Variants in CSMD1 observed in about 807,000 individuals in gnomAD.
CSMD1 encodes the protein CUB and sushi domain-containing protein 1.
CSMD1 carries 213 observed loss-of-function variants against 417.5 expected under a neutral mutation model. The ratio of observed to expected loss-of-function variants is 0.51; its 90% CI spans 0.46 to 0.57. The LOEUF (loss-of-function observed/expected upper bound fraction) is 0.57. Among genes scored for constraint, CSMD1 ranks in the 20% least tolerant of loss-of-function variants. The probability of loss-of-function intolerance (pLI) is 0.00; values close to 1 mark genes in which losing one functional copy is unlikely to be tolerated. For synonymous variants in CSMD1, 2,862 were observed against 1,736.8 expected, an observed-to-expected ratio of 1.65 and a Z score of -16.11; for missense variants, 6,923 against 4,529.7, an observed-to-expected ratio of 1.53 and a Z score of -15.17.
chr8:3,224,199 C>A (rs150805831), intron 27 of CSMD1, among the ~76,000 whole-genome samples: 2 of 152,190 alleles, frequency 1.3e-5, no homozygotes, highest in East Asian at 1.9e-4. Flanking sequence ...TACCTGCCAA[C>A]GTGCACACAT....
At chr8:2,998,212 T>C in intron 53 of CSMD1, 28 bp from the exon 54 acceptor site, 1 of 1,610,120 alleles carries the variant, frequency 6.2e-7, no homozygotes, top group Non-Finnish European at 8.5e-7. Context: ...AACGTCATTG[T>C]TAAATATTGA....
At chr8:2,986,654 A>G (rs1270670131) in intron 54 of CSMD1, among the ~76,000 whole-genome samples, 1 of 151,834 alleles carries the variant, frequency 6.6e-6, no homozygotes, top group Non-Finnish European at 1.5e-5. Context: ...ACAGGTGCCC[A>G]CCACCACGCC....
intron 1 of CSMD1, among the ~76,000 whole-genome samples, chr8:4,711,634 G>A (rs767209161): frequency 3.4e-5 from 5 of 149,002 alleles, no homozygotes; most frequent in African/African-American, 7.5e-5. Flanking sequence ...TTTTGCAGTC[G>A]GAAAAGCCAG....
chr8:3,942,597 C>G (rs983917554), intron 5 of CSMD1, among the ~76,000 whole-genome samples: 4 of 152,182 alleles, frequency 2.6e-5, no homozygotes, highest in African/African-American at 9.7e-5. Flanking sequence ...AGTTTTTCCT[C>G]TAAAGGCGAC....
At chr8:4,450,700 C>T (rs1004622005) in intron 2 of CSMD1, among the ~76,000 whole-genome samples, 6 of 152,018 alleles carry the variant, frequency 3.9e-5, no homozygotes, top group African/African-American at 1.4e-4. Flanking sequence ...TATAACACAT[C>T]ACAGAGTTTT....
intron 1 of CSMD1, among the ~76,000 whole-genome samples, chr8:4,988,481 C>T (rs1031190352): frequency 6.6e-6 from 1 of 152,110 alleles, no homozygotes. Flanking sequence ...TCTTTTCATT[C>T]CCCAAAGAAA....
intron 12 of CSMD1, among the ~76,000 whole-genome samples, chr8:3,461,812 A>T (rs1371675326): frequency 6.6e-6 from 1 of 152,202 alleles, no homozygotes; most frequent in Non-Finnish European, 1.5e-5. Context: ...TAGAACACGG[A>T]CAAGTCTAGC....
chr8:4,517,119 T>C (rs1803168079), intron 2 of CSMD1, among the ~76,000 whole-genome samples: 1 of 152,174 alleles, frequency 6.6e-6, no homozygotes, highest in African/African-American at 2.4e-5. Flanking sequence ...GAAGACTGCT[T>C]AAATGAAATA....
chr8:3,504,090 G>C (rs1185316771), intron 10 of CSMD1, among the ~76,000 whole-genome samples: 1 of 152,004 alleles, frequency 6.6e-6, no homozygotes, highest in African/African-American at 2.4e-5. Flanking sequence ...AAGAAAACAG[G>C]AATTTAAATG....
chr8:3,509,895 C>T (rs1337167469), intron 10 of CSMD1, among the ~76,000 whole-genome samples: 1 of 152,008 alleles, frequency 6.6e-6, no homozygotes, highest in African/African-American at 2.4e-5. Context: ...GAACTCATGC[C>T]CCAGTGAAGC....
At chr8:4,763,904 G>A (rs1228131580) in intron 1 of CSMD1, among the ~76,000 whole-genome samples, 1 of 152,142 alleles carries the variant, frequency 6.6e-6, no homozygotes, top group Admixed American at 6.5e-5. Context: ...ACATAACCCT[G>A]AGCACTTCAA....
chr8:3,607,734 G>C (rs1045218596), intron 8 of CSMD1, among the ~76,000 whole-genome samples: 2 of 152,200 alleles, frequency 1.3e-5, no homozygotes, highest in Non-Finnish European at 2.9e-5. Flanking sequence ...ATATCAGTCG[G>C]TTTTGCCTAT....
chr8:4,007,488 G>A (rs1431233879), intron 4 of CSMD1, among the ~76,000 whole-genome samples: 2 of 151,868 alleles, frequency 1.3e-5, no homozygotes, highest in African/African-American at 2.4e-5. Context: ...GCACTTTCCT[G>A]CCCGCCCTCT....
chr8:4,061,629 C>A (rs980424648), intron 3 of CSMD1, among the ~76,000 whole-genome samples: 10 of 152,276 alleles, frequency 6.6e-5, no homozygotes, highest in African/African-American at 2.2e-4. Context: ...CAGACAGATT[C>A]TGCAAGGGAG....
chr8:4,771,741 G>C (rs1021217354), intron 1 of CSMD1, among the ~76,000 whole-genome samples: 2 of 152,172 alleles, frequency 1.3e-5, no homozygotes, highest in Non-Finnish European at 2.9e-5. Context: ...GTCTATATGA[G>C]AGATGATGGC....
At chr8:4,070,612 CT>C (rs551536549) in intron 3 of CSMD1, among the ~76,000 whole-genome samples, 23 of 152,278 alleles carry the variant, frequency 1.5e-4, no homozygotes, top group African/African-American at 5.5e-4. Flanking sequence ...CCACCTCGGC[CT>C]CCCAAAGTGC....
intron 3 of CSMD1, among the ~76,000 whole-genome samples, chr8:4,143,959 C>T (rs996940303): frequency 1.3e-5 from 2 of 151,254 alleles, no homozygotes; most frequent in African/African-American, 4.9e-5. Context: ...AGTGCTTGGC[C>T]CATAGCCAAT....
chr8:3,822,288 T>G (rs552576336), intron 5 of CSMD1, among the ~76,000 whole-genome samples: 7 of 152,300 alleles, frequency 4.6e-5, no homozygotes, highest in South Asian at 2.1e-4. Context: ...TTGTAAGAGC[T>G]TGTGTCTAGG....
intron 15 of CSMD1, among the ~76,000 whole-genome samples, chr8:3,403,368 C>T (rs1277357267): frequency 6.6e-6 from 1 of 152,168 alleles, no homozygotes; most frequent in African/African-American, 2.4e-5. Context: ...TCAGCAGAGG[C>T]AGTGATCGGG....
Sources: allele counts gnomAD v4.1 joint callset (sites outside exome capture counted in the v4.1 genomes callset), GRCh38; gene constraint gnomAD v4.1.1; transcripts MANE v1.5; gene names NCBI Gene and HGNC (gene_info 2026-07-23, HGNC 2026-07-21).